The following WDR35 variants were observed in gnomAD, a reference collection of about 807,000 sequenced individuals.
The protein encoded by WDR35 is WD repeat-containing protein 35.
WDR35 carries 118 observed loss-of-function variants against 158.3 expected under a neutral mutation model. The observed-to-expected ratio is 0.75, with a 90% CI of 0.64 to 0.87. WDR35 has a LOEUF of 0.87. Ranked by LOEUF, WDR35 falls within the 40% of genes least tolerant of loss-of-function variation. WDR35 has a pLI of 0.00. For missense variants in WDR35, 1,263 were observed against 1,405.8 expected (o/e 0.90, Z 1.62); for synonymous variants, 448 against 476.1 (o/e 0.94, Z 0.77).
intron 17 of WDR35, among the ~76,000 whole-genome samples, chr2:19,939,699 G>C (rs773811657): frequency 4.6e-5 from 7 of 152,024 alleles, no homozygotes; most frequent in Non-Finnish European, 8.8e-5. Context: ...GTGGGATTTA[G>C]GGTTTTTTTT....
chr2:19,981,273 G>C (rs927512094), intron 3 of WDR35, among the ~76,000 whole-genome samples: 7 of 152,116 alleles, frequency 4.6e-5, no homozygotes, highest in Non-Finnish European at 1.0e-4. Context: ...GTGAATAATT[G>C]ATGACTTTTA....
At chr2:19,963,506 G>A (rs576481304) in intron 10 of WDR35, among the ~76,000 whole-genome samples, 1 of 151,924 alleles carries the variant, frequency 6.6e-6, no homozygotes, top group Non-Finnish European at 1.5e-5. Context: ...AATTTCTCTT[G>A]GAGCCTTCTG....
In WDR35 at chr2:19,974,541, C is replaced by T. The variant is rs370540121; in HGVS notation, c.663G>A (p.Glu221=). ...AAACAGCAAGGCAAGGGCAATCAGGCTCCACGTAGCCTTCTGTGCCATGGT... is the reference window on the plus strand; with the variant it reads ...AAACAGCAAGGCAAGGGCAATCAGGTTCCACGTAGCCTTCTGTGCCATGGT... ...HWYHGTEGYV[E]PDCPCLAVCF... The change falls in exon 7 of 27, where the codon GAG becomes GAA. Residue 221 remains glutamate (E), a synonymous_variant. Transcript: ENST00000281405. 2.5e-6 allele frequency: 4 copies of T among 1,613,098 alleles called. No homozygotes were observed. Among genetic ancestry groups the T allele is most frequent in the Admixed American group, 1.7e-5 (1 of 60,000 alleles).
At chr2:19,914,366 C>A in intron 25 of WDR35, 89 bp from the exon 26 acceptor site, 2 of 1,563,666 alleles carry the variant, frequency 1.3e-6, no homozygotes, top group Non-Finnish European at 1.8e-6. Flanking sequence ...AAGGTGATTT[C>A]ATTGAACTTG....
chr2:19,913,334 T>C lies in WDR35; in HGVS notation c.*224A>G, dbSNP rs1236938669. 2 of 467,094 alleles carry C rather than the reference T, an allele frequency of 4.3e-6. No individual in the cohort carries two copies. The highest frequency in any genetic ancestry group is 7.5e-6 in the Non-Finnish European group (2 of 265,366). The allele number at this position is 467,094 out of a possible 1,614,324, so 28.9% of individuals were successfully genotyped here. A position where few individuals can be genotyped will look rare whatever the true frequency, so the allele number is the denominator to read the frequency against. Reference sequence around the variant, plus strand: ...AAAAGAGAGAGGGTGAGAGAAAACATGGTTGATTTTCATACATTTATATGA... The same window carrying C: ...AAAAGAGAGAGGGTGAGAGAAAACACGGTTGATTTTCATACATTTATATGA... On this transcript the variant is annotated 3_prime_UTR_variant, in exon 27 of 27. Transcript: ENST00000281405.
rs1669889021 is a variant in WDR35 at position 19,913,257 on chromosome 2, AAATTT to A, written c.*296_*300del. On this transcript the variant is annotated 3_prime_UTR_variant, in exon 27 of 27. Transcript: ENST00000281405. ...CAGTTACCTTGACACTGTGAGAAAA[AAATTT>A]ATTTGGAATATTTCCATGGTATCAT... The A allele has an allele frequency of 3.9e-6, 1 of 257,884 alleles. No individual in the cohort carries two copies. The highest frequency in any genetic ancestry group is 5.7e-5 in the South Asian group (1 of 17,422). 16.0% of individuals were successfully genotyped at this position (257,884 alleles called of 1,614,324 possible).
chr2:19,976,658 C>T (rs1458960559), intron 5 of WDR35, among the ~76,000 whole-genome samples: 1 of 150,890 alleles, frequency 6.6e-6, no homozygotes, highest in Non-Finnish European at 1.5e-5. Context: ...ATGGACGTCA[C>T]TGATGGCCTG....
intron 10 of WDR35, chr2:19,962,364 A>G: frequency 6.2e-7 from 1 of 1,610,818 alleles, no homozygotes; most frequent in Non-Finnish European, 8.5e-7. Flanking sequence ...AGAAATTCAG[A>G]AAAATTCAGT....
chr2:19,930,647 C>T (rs1670498187), intron 24 of WDR35, 95 bp from the exon 25 acceptor site: 1 of 1,529,646 alleles, frequency 6.5e-7, no homozygotes, highest in Admixed American at 1.7e-5. Context: ...TCTAAATGAG[C>T]AGATTTTATC....
At chr2:19,953,420 G>C (rs1671313250) in intron 12 of WDR35, among the ~76,000 whole-genome samples, 1 of 152,080 alleles carries the variant, frequency 6.6e-6, no homozygotes, top group South Asian at 2.1e-4. Flanking sequence ...GTGTCTAAAG[G>C]CCTGCCTCTC....
In WDR35 at chr2:19,934,662, G is replaced by C. The variant is rs990387496; in HGVS notation, c.2547+809C>G. Among the ~76,000 whole-genome samples, 1 of 152,028 alleles carries C rather than the reference G, an allele frequency of 6.6e-6. No homozygotes were observed. Among genetic ancestry groups the C allele is most frequent in the African/African-American group, 2.4e-5 (1 of 41,398 alleles). On this transcript the variant is annotated intron_variant, in intron 21 of 26. Transcript: ENST00000281405. This position sits in a 1 kb window ranked among gnomAD's most constrained non-coding sequence, Gnocchi z 4.6. ...ACATCTAACAGACAACACTAACGGA[G>C]TATACACTCTTCCCTATACCCAGGG...
chr2:19,976,010 A>C lies in WDR35; in HGVS notation c.437-347T>G, dbSNP rs1672198049. ...TCAGAACATAACTGAGTCCATGCTTACACTTTCTGCGTTGCCCACTAATAC... is the reference window on the plus strand; with the variant it reads ...TCAGAACATAACTGAGTCCATGCTTCCACTTTCTGCGTTGCCCACTAATAC... On this transcript the variant is annotated intron_variant, in intron 5 of 26. Transcript: ENST00000281405. 2.6e-5 allele frequency among the ~76,000 whole-genome samples: 4 copies of C among 152,334 alleles called. No individual in the cohort carries two copies. In the South Asian group the frequency reaches 8.3e-4, roughly 32 times the overall value.
intron 12 of WDR35, 98 bp from the exon 13 acceptor site, chr2:19,951,582 T>C (rs1288534133): frequency 1.1e-6 from 1 of 886,178 alleles, no homozygotes; most frequent in African/African-American, 1.7e-5. Context: ...ATTAATACTG[T>C]TATTTAATAT....
chr2:19,973,056 T>TA (rs1345264158), intron 8 of WDR35, among the ~76,000 whole-genome samples: 15 of 152,128 alleles, frequency 9.9e-5, no homozygotes, highest in African/African-American at 3.6e-4. Flanking sequence ...GCTTTTATTT[T>TA]AATGTAGCAT....
intron 16 of WDR35, among the ~76,000 whole-genome samples, chr2:19,943,661 T>C (rs188279398): frequency 6.6e-6 from 1 of 151,874 alleles, no homozygotes; most frequent in Admixed American, 6.6e-5. Context: ...AATTATGAGA[T>C]ATGAAAGAAA....
chr2:19,989,420 A>T (rs1325921209), intron 1 of WDR35, 138 bp from the exon 2 acceptor site: 1 of 800,834 alleles, frequency 1.2e-6, no homozygotes, highest in Non-Finnish European at 2.2e-6. Flanking sequence ...GCTGTTGTGA[A>T]AATGGGCATG....
intron 17 of WDR35, among the ~76,000 whole-genome samples, chr2:19,941,501 A>T (rs1420147528): frequency 2.0e-5 from 3 of 152,196 alleles, no homozygotes; most frequent in Non-Finnish European, 4.4e-5. Flanking sequence ...TAACAATCCT[A>T]TAAGTAGTAT....
chr2:19,986,078 A>G (rs1672557756), intron 2 of WDR35, among the ~76,000 whole-genome samples: 1 of 152,182 alleles, frequency 6.6e-6, no homozygotes, highest in African/African-American at 2.4e-5. Flanking sequence ...TGGGTTCAAC[A>G]TACACTTTGG....
chr2:19,933,346 G>C, intron 22 of WDR35, 55 bp downstream of exon 22: 1 of 1,461,424 alleles, frequency 6.8e-7, no homozygotes, highest in Non-Finnish European at 9.6e-7. Flanking sequence ...ACCTTGCTTT[G>C]ACTTAAAAAT....
Sources: allele counts gnomAD v4.1 joint callset (sites outside exome capture counted in the v4.1 genomes callset), GRCh38; gene constraint gnomAD v4.1.1; non-coding constraint Gnocchi (gnomAD v3.1); transcripts MANE v1.5; gene names NCBI Gene and HGNC (gene_info 2026-07-23, HGNC 2026-07-21).